The following KIF18B variants were observed in gnomAD, a reference collection of about 807,000 sequenced individuals.
KIF18B encodes the protein kinesin family member 18B.
In KIF18B, 49 loss-of-function variants were observed where a neutral mutation model predicts 80.9. The ratio of observed to expected loss-of-function variants is 0.61; its 90% CI spans 0.48 to 0.77. The LOEUF (loss-of-function observed/expected upper bound fraction) is 0.77. KIF18B is among the 30% of genes least tolerant of loss of function. The probability of loss-of-function intolerance (pLI) is 0.00; values close to 1 mark genes in which losing one functional copy is unlikely to be tolerated. For missense variants in KIF18B, 994 were observed against 1,127.7 expected (o/e 0.88, Z 1.70); for synonymous variants, 439 against 463.9 (o/e 0.95, Z 0.69).
In KIF18B at chr17:44,926,127, C is replaced by T. The variant is rs781237000; in HGVS notation, c.2512G>A (p.Val838Met). The change falls in exon 16 of 16, where the codon GTG becomes ATG. Residue 838 changes from valine (V) to methionine (M), a missense_variant. Physicochemically the swap from Val to Met is conservative, Grantham distance 21 (BLOSUM62 1). Transcript: ENST00000593135. ...TTCCCTGCTGAGAGTGCTCTCCCCA[C>T]CCTGATGAGGTCCTTTCCATTCCTC... ...NRRNGKDLIR[V>M]GRALSAGNGV... 19 of 1,613,764 alleles carry T rather than the reference C, an allele frequency of 1.2e-5. No individual in the cohort carries two copies. Among genetic ancestry groups the T allele is most frequent in the African/African-American group, 9.3e-5 (7 of 74,876 alleles).
At chr17:44,928,795 A>G in intron 12 of KIF18B, 24 bp downstream of exon 12, 1 of 1,608,328 alleles carries the variant, frequency 6.2e-7, no homozygotes, top group Non-Finnish European at 8.5e-7. Flanking sequence ...GAAGACAGGC[A>G]GGGGAGAGCA....
chr17:44,947,458 C>A (rs1265392917), intron 1 of KIF18B, among the ~76,000 whole-genome samples, 170 bp downstream of exon 1: 1 of 152,238 alleles, frequency 6.6e-6, no homozygotes, highest in Admixed American at 6.5e-5. Flanking sequence ...GGGGTCCATG[C>A]AGACAGAGCC....
At chr17:44,936,598 C>CTCTCTCTATA (rs1183735794) in intron 1 of KIF18B, among the ~76,000 whole-genome samples, 13 of 27,854 alleles carry the variant, frequency 4.7e-4, no homozygotes, top group Non-Finnish European at 6.4e-4. Flanking sequence ...CTCTCTCTCT[C>CTCTCTCTATA]TATATATATA....
Position 44,932,728 on chromosome 17 carries a change from G to T in KIF18B, c.1183C>A (p.Gln395Lys), listed in dbSNP as rs1296945531. 6.2e-7 allele frequency: 1 copy of T among 1,613,142 alleles called. No homozygotes were observed. Among genetic ancestry groups the T allele is most frequent in the Admixed American group, 1.7e-5 (1 of 59,984 alleles). Residue 395 changes from glutamine (Q) to lysine (K), a missense_variant, in exon 9 of 16, where the codon CAG becomes AAG. Gln to Lys is a moderately conservative substitution (Grantham distance 53, BLOSUM62 1). Coordinates refer to ENST00000593135, the MANE Select transcript of KIF18B (RefSeq NM_001265577.2). Reference sequence around the variant, plus strand: ...CCTGGGAGGTCCTGTGGTGGGGGCTGGCCTCCCCCCTCATACACTTGGAGC... The same window carrying T: ...CCTGGGAGGTCCTGTGGTGGGGGCTTGCCTCCCCCCTCATACACTTGGAGC... ...KKLQVYEGGG[Q>K]PPPQDLPGSP...
intron 1 of KIF18B, among the ~76,000 whole-genome samples, chr17:44,941,913 T>C (rs1474794983): frequency 3.3e-5 from 5 of 152,058 alleles, no homozygotes; most frequent in African/African-American, 1.2e-4. Flanking sequence ...TGTGGCTGAG[T>C]CTGTTTGCCT....
At chr17:44,939,948 C>A (rs1182034949) in intron 1 of KIF18B, among the ~76,000 whole-genome samples, 1 of 152,188 alleles carries the variant, frequency 6.6e-6, no homozygotes, top group Non-Finnish European at 1.5e-5. Flanking sequence ...GGATTACAGG[C>A]GTGTGCCACC....
rs1567792272 is a variant in KIF18B at position 44,934,087 on chromosome 17, G to A, written c.898C>T (p.His300Tyr). The change falls in exon 7 of 16, where the codon CAT becomes TAT. Residue 300 changes from histidine (H) to tyrosine (Y), a missense_variant. Coordinates refer to ENST00000593135, the MANE Select transcript of KIF18B (RefSeq NM_001265577.2). This position sits in a 1 kb window ranked among gnomAD's most constrained non-coding sequence, Gnocchi z 5.4. Reference sequence around the variant, plus strand: ...AGTTTGCTGTCCCGGTAGGGCACATGGGTCTTGCGGCCCTGGGGGGCAGTA... The same window carrying A: ...AGTTTGCTGTCCCGGTAGGGCACATAGGTCTTGCGGCCCTGGGGGGCAGTA... ...ALADAKGRKT[H>Y]VPYRDSKLTR... 3 of 1,612,576 alleles carry A rather than the reference G, an allele frequency of 1.9e-6. No homozygotes were observed. The highest frequency in any genetic ancestry group is 2.2e-5 in the East Asian group (1 of 44,848).
In KIF18B at chr17:44,935,352, G is replaced by A. The variant is rs368301153; in HGVS notation, c.378C>T (p.Pro126=). The change falls in exon 3 of 16, where the codon CCC becomes CCT. Residue 126 remains proline (P), a synonymous_variant. Coordinates refer to ENST00000593135, the MANE Select transcript of KIF18B (RefSeq NM_001265577.2). The part of the protein sequence containing the change: ...THTMLGREGD[P]GIMYLTTVEL... ...CCACGGTGGTCAGGTACATGATGCC[G>A]GGGTCCCCCTCCCTTCCCAGCATGG... 3.1e-4 allele frequency: 508 copies of A among 1,613,176 alleles called. No homozygotes were observed. Among genetic ancestry groups the A allele is most frequent in the Non-Finnish European group, 3.9e-4 (456 of 1,179,474 alleles).
At chr17:44,933,890 C>T in intron 7 of KIF18B, 33 bp downstream of exon 7, 1 of 1,532,422 alleles carries the variant, frequency 6.5e-7, no homozygotes. Context: ...CTGGAGCTGC[C>T]CCACGCCCAA....
At chr17:44,941,708 T>A (rs962946818) in intron 1 of KIF18B, among the ~76,000 whole-genome samples, 30 of 152,274 alleles carry the variant, frequency 2.0e-4, no homozygotes, top group African/African-American at 6.7e-4. Flanking sequence ...AAACCCCACT[T>A]TGGCACCCGG....
In KIF18B at chr17:44,944,537, C is replaced by T. The variant is rs144248816; in HGVS notation, c.-15+3091G>A. Among the ~76,000 whole-genome samples, 79 of 152,246 alleles carry T rather than the reference C, an allele frequency of 5.2e-4. 1 individual carries two copies. In the South Asian group the frequency reaches 0.014, roughly 28 times the overall value. Reference sequence around the variant, plus strand: ...TGCTGGGATTACAGGCGTGAGCCACCGCGCTTGGCCCGACTTGTAATTTTC... The same window carrying T: ...TGCTGGGATTACAGGCGTGAGCCACTGCGCTTGGCCCGACTTGTAATTTTC... On this transcript the variant is annotated intron_variant, in intron 1 of 15. Coordinates refer to ENST00000593135, the MANE Select transcript of KIF18B (RefSeq NM_001265577.2).
chr17:44,934,140 G>A lies in KIF18B; in HGVS notation c.886-41C>T. Reference sequence around the variant, plus strand: ...CAGGTGTGGGGTGAGGCGACTGATGGCACTGACCCAGGATGGGGCCCTGTG... The same window carrying A: ...CAGGTGTGGGGTGAGGCGACTGATGACACTGACCCAGGATGGGGCCCTGTG... On this transcript the variant is annotated intron_variant, in intron 6 of 15. Coordinates refer to ENST00000593135, the MANE Select transcript of KIF18B (RefSeq NM_001265577.2). The surrounding 1 kb of genome is among the most constrained non-coding windows in gnomAD (Gnocchi z 5.4). 1 of 1,605,764 alleles carries A rather than the reference G, an allele frequency of 6.2e-7. No homozygotes were observed. Among genetic ancestry groups the A allele is most frequent in the Non-Finnish European group, 8.5e-7 (1 of 1,175,888 alleles).
In KIF18B at chr17:44,932,137, G is replaced by C; in HGVS notation, c.1308C>G (p.Ala436=). 7 of 1,613,826 alleles carry C rather than the reference G, an allele frequency of 4.3e-6. No homozygotes were observed. Among genetic ancestry groups the C allele is most frequent in the Non-Finnish European group, 5.9e-6 (7 of 1,179,826 alleles). The change falls in exon 10 of 16, where the codon GCC becomes GCG. Residue 436 remains alanine, a synonymous_variant. Coordinates refer to ENST00000593135, the MANE Select transcript of KIF18B (RefSeq NM_001265577.2). ...ALQEESLGME[A]QVERAMEGNS... is the part of the protein sequence containing the mutation. ...TCCCTTCCATGGCCCTCTCCACCTG[G>C]GCCTCCATCCCCAGACTCTCCTCTT... is the stretch of plus-strand genomic sequence containing the variant.
Position 44,945,765 on chromosome 17 carries a change from G to C in KIF18B, c.-15+1863C>G, listed in dbSNP as rs548305141. 2.0e-5 allele frequency among the ~76,000 whole-genome samples: 3 copies of C among 152,034 alleles called. No homozygotes were observed. The South Asian group carries it at 6.2e-4, about 32-fold the overall frequency. Reference sequence around the variant, plus strand: ...ACTAAAAATACAAAAAATTAGCCGGGTGTGGTGGCGGGTGCCTGTAATGCC... The same window carrying C: ...ACTAAAAATACAAAAAATTAGCCGGCTGTGGTGGCGGGTGCCTGTAATGCC... On this transcript the variant is annotated intron_variant, in intron 1 of 15. Coordinates refer to ENST00000593135, the MANE Select transcript of KIF18B (RefSeq NM_001265577.2).
chr17:44,930,294 T>A (rs2145682416), intron 11 of KIF18B, among the ~76,000 whole-genome samples: 2 of 152,348 alleles, frequency 1.3e-5, no homozygotes, highest in Middle Eastern at 6.8e-3. Context: ...CAGTGCCCCA[T>A]CTGACAAATG....
intron 1 of KIF18B, among the ~76,000 whole-genome samples, chr17:44,946,526 A>G (rs2052515067): frequency 6.6e-6 from 1 of 152,216 alleles, no homozygotes; most frequent in Non-Finnish European, 1.5e-5. Flanking sequence ...ATTGTAAATA[A>G]TATTAGTATC....
At chr17:44,944,261 T>C (rs969455827) in intron 1 of KIF18B, among the ~76,000 whole-genome samples, 2 of 151,978 alleles carry the variant, frequency 1.3e-5, no homozygotes, top group African/African-American at 4.8e-5. Flanking sequence ...TTTTTTGAGA[T>C]GGAGTTTTGC....
chr17:44,926,396 G>T lies in KIF18B; in HGVS notation c.2452+18C>A, dbSNP rs375780925. ...GGCCTCCATGGCCCAGGCTATCCCT[G>T]TCCCTAGTGCCAGTCACCTGGGAGT... On this transcript the variant is annotated intron_variant, in intron 15 of 15. Transcript: ENST00000593135. 6.4e-7 allele frequency: 1 copy of T among 1,562,184 alleles called. No homozygotes were observed. Among genetic ancestry groups the T allele is most frequent in the Non-Finnish European group, 8.7e-7 (1 of 1,153,170 alleles).
rs141223834 is a variant in KIF18B at position 44,941,668 on chromosome 17, G to A, written c.-14-5310C>T. 2.8e-4 allele frequency among the ~76,000 whole-genome samples: 42 copies of A among 152,246 alleles called. No individual in the cohort carries two copies. In the South Asian group the frequency reaches 4.8e-3, roughly 17 times the overall value. ...CTAATTTTCAACAGAGAGGGTTCCT[G>A]TCTCCTACTCTTGCAGACCTACCCC... is the stretch of plus-strand genomic sequence containing the variant. On this transcript the variant is annotated intron_variant, in intron 1 of 15. Transcript: ENST00000593135.
Sources: gnomAD v4.1 joint callset for allele counts (sites outside exome capture counted in the v4.1 genomes callset) on GRCh38, gnomAD v4.1.1 for gene constraint, Gnocchi (gnomAD v3.1) non-coding constraint, MANE v1.5 for transcripts, NCBI Gene and HGNC (gene_info 2026-07-23, HGNC 2026-07-21) for gene names.